The following SCHIP1 variants were observed in gnomAD, a reference collection of about 807,000 sequenced individuals.
SCHIP1 encodes schwannomin-interacting protein 1.
A neutral mutation model predicts 29.7 loss-of-function variants in SCHIP1; 8 were observed. That is an observed-to-expected ratio of 0.27 (90% confidence interval 0.16 to 0.49). The LOEUF is 0.49. Among genes scored for constraint, SCHIP1 ranks in the 20% least tolerant of loss-of-function variants. SCHIP1 has a pLI of 0.99. For synonymous variants in SCHIP1, 76 were observed against 94.9 expected, an observed-to-expected ratio of 0.80 and a Z score of 1.16; for missense variants, 193 against 294.6, an observed-to-expected ratio of 0.66 and a Z score of 2.52.
the SCHIP1 span, among the ~76,000 whole-genome samples, chr3:159,303,549 A>G: frequency 6.8e-6 from 1 of 148,048 alleles, no homozygotes; most frequent in Non-Finnish European, 1.5e-5. Context: ...GGAAGGAAGG[A>G]AGGGAGGGAG....
chr3:159,604,618 G>T, the SCHIP1 span, among the ~76,000 whole-genome samples: 1 of 152,166 alleles, frequency 6.6e-6, no homozygotes, highest in Admixed American at 6.5e-5. Context: ...GCAATTGAGG[G>T]TCACTGTGAC....
chr3:159,383,478 G>C, the SCHIP1 span, among the ~76,000 whole-genome samples: 9 of 151,790 alleles, frequency 5.9e-5, no homozygotes, highest in Middle Eastern at 3.4e-3. Context: ...TCTCTCTTTT[G>C]GTACCAGTAC....
At chr3:159,349,153 C>A in the SCHIP1 span, among the ~76,000 whole-genome samples, 1 of 152,172 alleles carries the variant, frequency 6.6e-6, no homozygotes, top group Admixed American at 6.5e-5. Flanking sequence ...CTCAGAGCTA[C>A]AATTTTCAAG....
the SCHIP1 span, among the ~76,000 whole-genome samples, chr3:159,419,173 C>T: frequency 6.6e-6 from 1 of 152,204 alleles, no homozygotes; most frequent in Non-Finnish European, 1.5e-5. Flanking sequence ...CACAGTGCAT[C>T]CTCCTGCTGA....
chr3:159,524,164 G>A, the SCHIP1 span, among the ~76,000 whole-genome samples: 2 of 152,210 alleles, frequency 1.3e-5, no homozygotes, highest in Non-Finnish European at 2.9e-5. Context: ...GCACCACGTA[G>A]AAATGTCCAG....
chr3:159,519,175 T>A, the SCHIP1 span, among the ~76,000 whole-genome samples: 3 of 152,056 alleles, frequency 2.0e-5, no homozygotes, highest in African/African-American at 4.8e-5. Context: ...TAAAAAAAAA[T>A]TTTAACATAG....
chr3:159,892,331 C>A, intron 6 of SCHIP1, 141 bp downstream of exon 7: 1 of 901,248 alleles, frequency 1.1e-6, no homozygotes, highest in Middle Eastern at 2.2e-4. Flanking sequence ...GCCAGCTGTT[C>A]AGATGGAGGG....
the SCHIP1 span, among the ~76,000 whole-genome samples, chr3:159,308,587 T>A: frequency 0.053 from 8,050 of 152,270 alleles, 579 homozygotes; most frequent in African/African-American, 0.17. Context: ...GTTTAGCCAC[T>A]GTGGGAAGCA....
the SCHIP1 span, among the ~76,000 whole-genome samples, chr3:159,500,235 G>T: frequency 6.6e-6 from 1 of 151,862 alleles, no homozygotes. Context: ...TTGATTCCTG[G>T]AGAAAACACT....
At chr3:159,886,529 A>G in intron 3 of SCHIP1, 1 of 487,686 alleles carries the variant, frequency 2.1e-6, no homozygotes, top group African/African-American at 2.0e-5. Context: ...CTTAAAGTTA[A>G]TAACTATTTT....
At chr3:159,441,692 G>T in the SCHIP1 span, among the ~76,000 whole-genome samples, 2 of 152,122 alleles carry the variant, frequency 1.3e-5, no homozygotes, top group African/African-American at 4.8e-5. Context: ...ATCTGATGAG[G>T]AGTGATAGGT....
the SCHIP1 span, among the ~76,000 whole-genome samples, chr3:159,288,357 A>T: frequency 6.6e-6 from 1 of 152,260 alleles, no homozygotes; most frequent in African/African-American, 2.4e-5. Flanking sequence ...CTCCATTAGC[A>T]TACCTACGAA....
the SCHIP1 span, among the ~76,000 whole-genome samples, chr3:159,802,905 C>T: frequency 9.2e-5 from 14 of 152,114 alleles, no homozygotes; most frequent in African/African-American, 2.9e-4. Flanking sequence ...TCCTGCTCAT[C>T]CTCAATACAT....
At chr3:159,474,336 A>AT in the SCHIP1 span, among the ~76,000 whole-genome samples, 1 of 152,284 alleles carries the variant, frequency 6.6e-6, no homozygotes, top group African/African-American at 2.4e-5. Flanking sequence ...ACAATTAGGG[A>AT]TGATGGACTG....
the SCHIP1 span, among the ~76,000 whole-genome samples, chr3:159,708,277 T>C: frequency 6.6e-6 from 1 of 152,194 alleles, no homozygotes; most frequent in African/African-American, 2.4e-5. Context: ...GGGTCCTACA[T>C]TCAAGATGAG....
chr3:159,346,390 T>C, the SCHIP1 span, among the ~76,000 whole-genome samples: 3 of 151,946 alleles, frequency 2.0e-5, no homozygotes, highest in Admixed American at 1.3e-4. Flanking sequence ...TCCTATATTT[T>C]ACTGTTTCTC....
chr3:159,680,633 T>A, the SCHIP1 span, among the ~76,000 whole-genome samples: 6 of 63,268 alleles, frequency 9.5e-5, no homozygotes, highest in African/African-American at 3.7e-4. Flanking sequence ...ATATATATTT[T>A]ATATATTATA....
chr3:159,704,742 G>A, the SCHIP1 span, among the ~76,000 whole-genome samples: 1 of 152,042 alleles, frequency 6.6e-6, no homozygotes, highest in Admixed American at 6.5e-5. Context: ...ATGTTATTGA[G>A]GCCAAAAGAA....
the SCHIP1 span, among the ~76,000 whole-genome samples, chr3:159,787,109 A>G: frequency 6.6e-6 from 1 of 152,180 alleles, no homozygotes; most frequent in Non-Finnish European, 1.5e-5. Flanking sequence ...CCTTTTTAGT[A>G]AAAAGATGAG....
Sources: gnomAD v4.1 joint callset for allele counts (sites outside exome capture counted in the v4.1 genomes callset) on GRCh38, gnomAD v4.1.1 for gene constraint, MANE v1.5 for transcripts, NCBI Gene and HGNC (gene_info 2026-07-23, HGNC 2026-07-21) for gene names.